The following PATJ variants were observed in gnomAD, a reference collection of about 807,000 sequenced individuals.
PATJ encodes inaD-like protein.
PATJ carries 190 observed loss-of-function variants against 224.9 expected under a neutral mutation model. The observed-to-expected ratio is 0.84, with a 90% CI of 0.75 to 0.95. PATJ has a LOEUF of 0.95. Ranked by LOEUF, PATJ falls within the 40% of genes least tolerant of loss-of-function variation. The probability of loss-of-function intolerance (pLI) is 0.00; values close to 1 mark genes in which losing one functional copy is unlikely to be tolerated. For synonymous variants in PATJ, 769 were observed against 820.3 expected (o/e 0.94, Z 1.07); for missense variants, 2,121 against 2,270.3 (o/e 0.93, Z 1.34).
At chr1:61,801,848 A>G (rs1422257314) in intron 12 of PATJ, 79 bp downstream of exon 12, 1 of 1,039,616 alleles carries the variant, frequency 9.6e-7, no homozygotes, top group Non-Finnish European at 1.3e-6. Context: ...TTAATATAGT[A>G]TGAGAAATCT....
At chr1:62,106,077 T>TAC (rs1230033683) in intron 33 of PATJ, among the ~76,000 whole-genome samples, 4 of 16,490 alleles carry the variant, frequency 2.4e-4, no homozygotes, top group East Asian at 3.6e-3. Flanking sequence ...TATATATATA[T>TAC]ATACACACAC....
At chr1:62,047,098 C>G (rs1051609243) in intron 30 of PATJ, among the ~76,000 whole-genome samples, 2 of 152,170 alleles carry the variant, frequency 1.3e-5, no homozygotes, top group Non-Finnish European at 1.5e-5. Flanking sequence ...TTTCCTTTCC[C>G]TAAGGGGACA....
intron 42 of PATJ, among the ~76,000 whole-genome samples, chr1:62,152,450 G>A (rs143448444): frequency 0.034 from 5,222 of 151,964 alleles, 107 homozygotes; most frequent in Non-Finnish European, 0.046. Context: ...TCAGGAGTTC[G>A]AGACCAGCCT....
chr1:62,094,882 C>G (rs1342871322), intron 33 of PATJ, among the ~76,000 whole-genome samples: 3 of 152,146 alleles, frequency 2.0e-5, no homozygotes, highest in Non-Finnish European at 2.9e-5. Flanking sequence ...TGAAGTCTGA[C>G]TGTGTTGTGA....
intron 9 of PATJ, among the ~76,000 whole-genome samples, chr1:61,792,089 A>AT (rs200799397): frequency 3.1e-3 from 472 of 152,088 alleles, no homozygotes; most frequent in African/African-American, 0.01. Flanking sequence ...AAAATGTTCA[A>AT]TTTTTTTTAA....
intron 27 of PATJ, among the ~76,000 whole-genome samples, chr1:61,968,884 C>T (rs1352028344): frequency 6.6e-6 from 1 of 152,190 alleles, no homozygotes; most frequent in African/African-American, 2.4e-5. Flanking sequence ...AACTCCTTTT[C>T]CCCCATCCCT....
intron 43 of PATJ, among the ~76,000 whole-genome samples, chr1:62,154,949 T>C (rs1336032057): frequency 2.0e-5 from 3 of 152,160 alleles, no homozygotes; most frequent in Non-Finnish European, 4.4e-5. Context: ...AAACTGGTGA[T>C]AGGCAAAAGA....
intron 27 of PATJ, among the ~76,000 whole-genome samples, chr1:61,965,447 G>A (rs1007067706): frequency 3.9e-5 from 6 of 152,138 alleles, no homozygotes; most frequent in Non-Finnish European, 8.8e-5. Flanking sequence ...ACCTTCATCT[G>A]TACTTGTTTT....
At chr1:62,117,281 A>T in intron 37 of PATJ, 63 bp downstream of exon 37, 2 of 1,607,212 alleles carry the variant, frequency 1.2e-6, no homozygotes, top group Non-Finnish European at 1.7e-6. Context: ...AAAGTTCCCC[A>T]TTTAATAAAT....
intron 43 of PATJ, among the ~76,000 whole-genome samples, chr1:62,157,286 T>G (rs1240646156): frequency 6.6e-6 from 1 of 151,202 alleles, no homozygotes; most frequent in South Asian, 2.1e-4. Flanking sequence ...ATTACACCAT[T>G]GCACTCCAGC....
At chr1:61,881,362 A>G (rs1668066420) in intron 21 of PATJ, among the ~76,000 whole-genome samples, 1 of 149,238 alleles carries the variant, frequency 6.7e-6, no homozygotes, top group African/African-American at 2.5e-5. Flanking sequence ...CCTGGGGCCT[A>G]TGGGGGCAGC....
chr1:61,869,262 A>G (rs1187341010), intron 20 of PATJ, among the ~76,000 whole-genome samples: 1 of 150,332 alleles, frequency 6.7e-6, no homozygotes, highest in Non-Finnish European at 1.5e-5. Flanking sequence ...GCCCGCCACT[A>G]CGCCCGGCTA....
At chr1:62,121,012 G>C in intron 37 of PATJ, 169 bp from the exon 38 acceptor site, 1 of 520,762 alleles carries the variant, frequency 1.9e-6, no homozygotes, top group Non-Finnish European at 3.4e-6. Context: ...ATTGGGTTGA[G>C]GTAGTAAGAG....
intron 29 of PATJ, among the ~76,000 whole-genome samples, chr1:62,029,925 C>T (rs763390379): frequency 6.6e-6 from 1 of 152,170 alleles, no homozygotes; most frequent in Non-Finnish European, 1.5e-5. Flanking sequence ...GCAAAACAAA[C>T]ATCCATAGAG....
Position 61,997,982 on chromosome 1 carries a change from T to TTATATATA in PATJ, c.3867+7625_3867+7626insATATATAT, listed in dbSNP as rs1553236113. Among the ~76,000 whole-genome samples, 100 of 118,292 alleles carry TTATATATA rather than the reference T, an allele frequency of 8.5e-4. 1 individual carries two copies. Among genetic ancestry groups the TTATATATA allele is most frequent in the Admixed American group, 2.1e-3 (22 of 10,646 alleles). The allele number at this position is 118,292 out of a possible 152,430, so 77.6% of individuals were successfully genotyped here. ...ATAGGTGCATGCCACTGTGCCCAGC[T>TTATATATA]TATATATGTATATATAATATATTAT... On this transcript the variant is annotated intron_variant, in intron 28 of 43. Transcript: ENST00000642238.
intron 29 of PATJ, among the ~76,000 whole-genome samples, chr1:62,025,111 A>G (rs2148436311): frequency 6.6e-6 from 1 of 152,320 alleles, no homozygotes; most frequent in South Asian, 2.1e-4. Context: ...ATCTTAATGA[A>G]CAGATAAGAA....
At chr1:61,846,869 G>A (rs367929606) in intron 17 of PATJ, among the ~76,000 whole-genome samples, 3 of 152,208 alleles carry the variant, frequency 2.0e-5, no homozygotes, top group African/African-American at 7.2e-5. Flanking sequence ...AAAGTGCTGG[G>A]ATTACAGGCA....
chr1:61,880,857 G>T (rs1341533386), intron 21 of PATJ, among the ~76,000 whole-genome samples: 1 of 152,210 alleles, frequency 6.6e-6, no homozygotes, highest in Non-Finnish European at 1.5e-5. Context: ...ACTTTGGGAG[G>T]CCAAGGCGGG....
At chr1:61,965,325 G>A (rs758181360) in intron 27 of PATJ, among the ~76,000 whole-genome samples, 7 of 151,696 alleles carry the variant, frequency 4.6e-5, no homozygotes, top group Non-Finnish European at 8.8e-5. Flanking sequence ...ACATGAAAAA[G>A]CCTGTACTGT....
Sources: gnomAD v4.1 joint callset for allele counts (sites outside exome capture counted in the v4.1 genomes callset) on GRCh38, gnomAD v4.1.1 for gene constraint, MANE v1.5 for transcripts, NCBI Gene and HGNC (gene_info 2026-07-23, HGNC 2026-07-21) for gene names.